Variants in NFYC observed in about 807,000 individuals in gnomAD.
NFYC encodes the protein CAAT box DNA-binding protein subunit C.
In NFYC, 25 loss-of-function variants were observed where a neutral mutation model predicts 53.1. The ratio of observed to expected loss-of-function variants is 0.47; its 90% CI spans 0.34 to 0.66. The LOEUF is 0.66. Ranked by LOEUF, NFYC falls within the 30% of genes least tolerant of loss-of-function variation. NFYC has a pLI of 0.01. For synonymous variants in NFYC, 145 were observed against 152.6 expected, an observed-to-expected ratio of 0.95 and a Z score of 0.37; for missense variants, 260 against 422.7, an observed-to-expected ratio of 0.62 and a Z score of 3.38.
chr1:40,729,606 G>T (rs1440886475), intron 1 of NFYC, among the ~76,000 whole-genome samples: 1 of 151,820 alleles, frequency 6.6e-6, no homozygotes, highest in Non-Finnish European at 1.5e-5. Context: ...TTTCCTTCAA[G>T]AACTTTTTCT....
chr1:40,718,912 G>A (rs983389553), intron 1 of NFYC, among the ~76,000 whole-genome samples: 2 of 151,930 alleles, frequency 1.3e-5, no homozygotes, highest in Non-Finnish European at 2.9e-5. Flanking sequence ...TTGCTCTGTC[G>A]CCAGGCTGGA....
At chr1:40,759,478 G>A (rs1646417146) in intron 6 of NFYC, among the ~76,000 whole-genome samples, 1 of 151,952 alleles carries the variant, frequency 6.6e-6, no homozygotes, top group African/African-American at 2.4e-5. Context: ...CAAGGCTACA[G>A]TGAGCTGTGA....
rs999976274 is a variant in NFYC at position 40,767,713 on chromosome 1, C to T, written c.828+1010C>T. On this transcript the variant is annotated intron_variant, in intron 8 of 9. Coordinates refer to ENST00000447388, the MANE Select transcript of NFYC (RefSeq NM_014223.5). Reference sequence around the variant, plus strand: ...GTTTGGGGCTGGGCACAGTGGGTCACGCCTGTAATCCCAGCACTTTGGGAG... The same window carrying T: ...GTTTGGGGCTGGGCACAGTGGGTCATGCCTGTAATCCCAGCACTTTGGGAG... Among the ~76,000 whole-genome samples the T allele has an allele frequency of 4.6e-5, 7 of 152,156 alleles. 1 individual carries two copies. The highest frequency in any genetic ancestry group is 7.4e-5 in the Non-Finnish European group (5 of 68,024).
At chr1:40,746,869 C>T (rs1645632147) in intron 2 of NFYC, among the ~76,000 whole-genome samples, 1 of 152,168 alleles carries the variant, frequency 6.6e-6, no homozygotes, top group Non-Finnish European at 1.5e-5. Context: ...GAAAAAATAA[C>T]ACAGCTGTTC....
intron 7 of NFYC, chr1:40,766,316 T>G: frequency 2.9e-6 from 1 of 349,312 alleles, no homozygotes; most frequent in Non-Finnish European, 5.2e-6. Context: ...ATAATGAGCA[T>G]GCAGCCATGC....
At chr1:40,714,738 C>T (rs1038840034) in intron 1 of NFYC, among the ~76,000 whole-genome samples, 8 of 151,978 alleles carry the variant, frequency 5.3e-5, no homozygotes, top group South Asian at 2.1e-4. Context: ...CCTCAGCCTC[C>T]GAGTAATTGG....
At chr1:40,739,741 C>T (rs1178134497) in intron 2 of NFYC, among the ~76,000 whole-genome samples, 2 of 152,128 alleles carry the variant, frequency 1.3e-5, no homozygotes, top group Non-Finnish European at 2.9e-5. Context: ...AGTGATGAGT[C>T]CTGAAGCAGT....
intron 1 of NFYC, among the ~76,000 whole-genome samples, chr1:40,704,099 G>A (rs1309674177): frequency 6.8e-6 from 1 of 146,692 alleles, no homozygotes; most frequent in African/African-American, 2.5e-5. Context: ...TTTTTTTGGA[G>A]ACAGCTCTGT....
rs774958256 is a variant in NFYC at position 40,750,478 on chromosome 1, C to T, written c.291+792C>T. Among the ~76,000 whole-genome samples the T allele has an allele frequency of 2.4e-3, 369 of 152,264 alleles. 5 individuals are homozygous for T. Among genetic ancestry groups the T allele is most frequent in the Non-Finnish European group, 3.0e-3 (205 of 68,026 alleles). ...CACTTTTCTAGGCTCTGGGGATTAA[C>T]GATACACACAACAGACAAAAATCCT... On this transcript the variant is annotated intron_variant, in intron 4 of 9. Transcript: ENST00000447388.
At chr1:40,747,489 G>GT in intron 2 of NFYC, 45 bp from the exon 3 acceptor site, 1 of 1,407,132 alleles carries the variant, frequency 7.1e-7, no homozygotes, top group Non-Finnish European at 1.0e-6. Flanking sequence ...TTGCCACACT[G>GT]TTGATTGTCC....
intron 1 of NFYC, chr1:40,723,223 A>T (rs1254878357): frequency 6.6e-6 from 1 of 152,224 alleles, no homozygotes; most frequent in Admixed American, 6.5e-5. Flanking sequence ...CAAACACAGG[A>T]TACTGCCAGA....
At chr1:40,732,657 A>G (rs1644824748) in intron 1 of NFYC, among the ~76,000 whole-genome samples, 2 of 152,092 alleles carry the variant, frequency 1.3e-5, no homozygotes, top group South Asian at 4.1e-4. Flanking sequence ...CTACTTACCC[A>G]TTGTCATTAA....
At chr1:40,697,860 A>T (rs1643234167) in intron 1 of NFYC, among the ~76,000 whole-genome samples, 1 of 152,254 alleles carries the variant, frequency 6.6e-6, no homozygotes, top group Admixed American at 6.5e-5. Context: ...GATGTACCTG[A>T]TAGCAGTGAG....
At chr1:40,743,922 A>G (rs1645479273) in intron 2 of NFYC, among the ~76,000 whole-genome samples, 1 of 152,222 alleles carries the variant, frequency 6.6e-6, no homozygotes, top group Admixed American at 6.5e-5. Context: ...CAGGGCCGTA[A>G]AACAGTAGTC....
intron 2 of NFYC, among the ~76,000 whole-genome samples, chr1:40,746,403 A>G (rs1206347190): frequency 6.6e-6 from 1 of 152,232 alleles, no homozygotes; most frequent in Non-Finnish European, 1.5e-5. Context: ...TGTTTTTCCA[A>G]AATACCTTTT....
Position 40,766,703 on chromosome 1 carries a change from G to C in NFYC, c.828G>C (p.Gln276His). The change falls in exon 8 of 10, where the codon CAG becomes CAC. Residue 276 changes from glutamine to histidine, a missense_variant and splice_region_variant. Coordinates refer to ENST00000447388, the MANE Select transcript of NFYC (RefSeq NM_014223.5). ...QIQTLATNAQQITQTEVQQGQ... is the reference protein window; with the variant it reads ...QIQTLATNAQHITQTEVQQGQ... ...AGACACTTGCCACCAATGCTCAACAGGTATGTGCCCCAGAGACACAAGGCC... is the reference window on the plus strand; with the variant it reads ...AGACACTTGCCACCAATGCTCAACACGTATGTGCCCCAGAGACACAAGGCC... 6.2e-7 allele frequency: 1 copy of C among 1,613,352 alleles called. No individual in the cohort carries two copies. The highest frequency in any genetic ancestry group is 8.5e-7 in the Non-Finnish European group (1 of 1,179,336).
intron 1 of NFYC, among the ~76,000 whole-genome samples, chr1:40,716,997 C>T (rs1033296377): frequency 2.0e-5 from 3 of 152,006 alleles, no homozygotes; most frequent in South Asian, 2.1e-4. Flanking sequence ...ATTTGGGGCA[C>T]GTGGAATTTC....
chr1:40,708,060 T>C (rs1280586299), intron 1 of NFYC, among the ~76,000 whole-genome samples: 5 of 152,210 alleles, frequency 3.3e-5, no homozygotes, highest in Non-Finnish European at 1.5e-5. Flanking sequence ...GCAGACTTTT[T>C]TTCTTGTCAT....
chr1:40,744,762 A>C (rs1645524448), intron 2 of NFYC, among the ~76,000 whole-genome samples: 2 of 152,186 alleles, frequency 1.3e-5, no homozygotes, highest in Admixed American at 1.3e-4. Context: ...AGAAGGAGTT[A>C]AGGAGTTAAA....
Sources: allele counts gnomAD v4.1 joint callset (sites outside exome capture counted in the v4.1 genomes callset), GRCh38; gene constraint gnomAD v4.1.1; transcripts MANE v1.5; gene names NCBI Gene and HGNC (gene_info 2026-07-23, HGNC 2026-07-21).